KLHL14: variants seen among roughly 807,000 people sequenced by gnomAD.
The protein encoded by KLHL14 is kelch like family member 14, also known as kelch-like protein 14.
Under a neutral mutation model 64.3 loss-of-function variants are expected in KLHL14, and 22 were observed. The ratio of observed to expected loss-of-function variants is 0.34; its 90% CI spans 0.24 to 0.49. The LOEUF (loss-of-function observed/expected upper bound fraction) is 0.49. Among genes scored for constraint, KLHL14 ranks in the 20% least tolerant of loss-of-function variants. The pLI is 0.99. For synonymous variants in KLHL14, 322 were observed against 333.4 expected (o/e 0.97, Z 0.37); for missense variants, 661 against 789.0 (o/e 0.84, Z 1.94).
At chr18:32,723,665 GTGTTGA>G (rs2050091167) in intron 3 of KLHL14, among the ~76,000 whole-genome samples, 1 of 152,090 alleles carries the variant, frequency 6.6e-6, no homozygotes, top group South Asian at 2.1e-4. Flanking sequence ...TATCCCCATT[GTGTTGA>G]TGAGAAAACC....
chr18:32,746,716 A>G (rs973352350), intron 2 of KLHL14, among the ~76,000 whole-genome samples: 5 of 152,214 alleles, frequency 3.3e-5, no homozygotes, highest in Admixed American at 6.5e-5. Flanking sequence ...CAGATAACAA[A>G]TATTTCTCAT....
intron 2 of KLHL14, among the ~76,000 whole-genome samples, chr18:32,747,142 A>AT (rs988815460): frequency 6.6e-6 from 1 of 152,048 alleles, no homozygotes; most frequent in African/African-American, 2.4e-5. Flanking sequence ...TGTTAGATAT[A>AT]TTTTTTCCTC....
At chr18:32,722,825 C>T (rs1463028272) in intron 3 of KLHL14, among the ~76,000 whole-genome samples, 1 of 152,130 alleles carries the variant, frequency 6.6e-6, no homozygotes, top group East Asian at 1.9e-4. Context: ...CGTGATGGCA[C>T]ATACCTGTAG....
chr18:32,696,550 A>C (rs1402470776), intron 3 of KLHL14, among the ~76,000 whole-genome samples: 4 of 152,208 alleles, frequency 2.6e-5, no homozygotes, highest in Non-Finnish European at 4.4e-5. Flanking sequence ...AGGTGAGGAC[A>C]AATGGGGAGG....
At chr18:32,711,610 T>C (rs1388960657) in intron 3 of KLHL14, among the ~76,000 whole-genome samples, 1 of 152,172 alleles carries the variant, frequency 6.6e-6, no homozygotes, top group Non-Finnish European at 1.5e-5. Flanking sequence ...TCTTACTCTT[T>C]AATAAAGTAG....
chr18:32,696,308 C>T (rs2049936489), intron 3 of KLHL14, among the ~76,000 whole-genome samples: 1 of 152,140 alleles, frequency 6.6e-6, no homozygotes, highest in African/African-American at 2.4e-5. Context: ...CCCACTAATG[C>T]CAGCTTTCTC....
At chr18:32,697,927 G>C (rs9952507) in intron 3 of KLHL14, among the ~76,000 whole-genome samples, 56,817 of 151,900 alleles carry the variant, frequency 0.37, 12,728 homozygotes, top group African/African-American at 0.63. Flanking sequence ...TATTTCTTGG[G>C]TGAGCATTTC....
At chr18:32,729,071 A>T (rs979842622) in intron 3 of KLHL14, among the ~76,000 whole-genome samples, 1 of 152,190 alleles carries the variant, frequency 6.6e-6, no homozygotes, top group Non-Finnish European at 1.5e-5. Context: ...TACTACAGGT[A>T]ACCTAAATTA....
intron 2 of KLHL14, among the ~76,000 whole-genome samples, chr18:32,762,382 T>A (rs1227189578): frequency 6.6e-6 from 1 of 152,092 alleles, no homozygotes; most frequent in African/African-American, 2.4e-5. Flanking sequence ...TTCTTGCCCA[T>A]CTTCTTTTTC....
intron 3 of KLHL14, 33 bp downstream of exon 3, chr18:32,741,895 G>A (rs2050200350): frequency 2.0e-6 from 3 of 1,525,866 alleles, no homozygotes; most frequent in Non-Finnish European, 8.8e-7. Flanking sequence ...AAATAAATAG[G>A]TGAGTGAATA....
intron 4 of KLHL14, among the ~76,000 whole-genome samples, chr18:32,690,557 C>T (rs2049902399): frequency 6.6e-6 from 1 of 151,968 alleles, no homozygotes; most frequent in South Asian, 2.1e-4. Context: ...GGTGAAACCC[C>T]AGCTCTACTA....
intron 4 of KLHL14, among the ~76,000 whole-genome samples, chr18:32,689,556 A>G (rs534648047): frequency 5.6e-4 from 86 of 152,290 alleles, no homozygotes; most frequent in African/African-American, 2.0e-3. Flanking sequence ...GATGTAAGAA[A>G]GTGGAGGTAA....
chr18:32,753,094 GTTAA>G (rs983922123), intron 2 of KLHL14, among the ~76,000 whole-genome samples: 2 of 151,756 alleles, frequency 1.3e-5, no homozygotes, highest in African/African-American at 4.8e-5. Flanking sequence ...GGCTTCATGG[GTTAA>G]TTATTTTATC....
intron 3 of KLHL14, among the ~76,000 whole-genome samples, chr18:32,729,562 G>T (rs2050125858): frequency 6.6e-6 from 1 of 152,140 alleles, no homozygotes; most frequent in Non-Finnish European, 1.5e-5. Flanking sequence ...GTAGAAAATA[G>T]AAATATGTCA....
At chr18:32,715,176 C>T (rs946926062) in intron 3 of KLHL14, among the ~76,000 whole-genome samples, 2 of 152,050 alleles carry the variant, frequency 1.3e-5, no homozygotes, top group African/African-American at 4.8e-5. Flanking sequence ...CTTGAAAAAT[C>T]TGCAGATAAG....
chr18:32,712,242 T>A (rs2144501207), intron 3 of KLHL14, among the ~76,000 whole-genome samples: 1 of 152,336 alleles, frequency 6.6e-6, no homozygotes, highest in Admixed American at 6.5e-5. Context: ...TAAATGACTA[T>A]TTCACATTTG....
At chr18:32,755,453 AT>A (rs1013679469) in intron 2 of KLHL14, among the ~76,000 whole-genome samples, 7 of 152,172 alleles carry the variant, frequency 4.6e-5, no homozygotes, top group African/African-American at 1.7e-4. Context: ...TAGGAAATAA[AT>A]CCCCTAGAAT....
chr18:32,729,466 G>A (rs539819158), intron 3 of KLHL14, among the ~76,000 whole-genome samples: 7 of 152,308 alleles, frequency 4.6e-5, no homozygotes, highest in East Asian at 3.9e-4. Context: ...CACTGTGTAC[G>A]TAAAGTGCTA....
chr18:32,676,647 A>T (rs571642524), intron 8 of KLHL14, among the ~76,000 whole-genome samples: 1 of 152,212 alleles, frequency 6.6e-6, no homozygotes, highest in South Asian at 2.1e-4. Flanking sequence ...GGATAGATGA[A>T]GTGTGGCAAA....
Sources: allele counts gnomAD v4.1 joint callset (sites outside exome capture counted in the v4.1 genomes callset), GRCh38; gene constraint gnomAD v4.1.1; transcripts MANE v1.5; gene names NCBI Gene and HGNC (gene_info 2026-07-23, HGNC 2026-07-21).